Variants in EPN2 observed in about 807,000 individuals in gnomAD.
EPN2 encodes epsin 2.
A neutral mutation model predicts 61.7 loss-of-function variants in EPN2; 34 were observed. The observed-to-expected ratio is 0.55, with a 90% CI of 0.42 to 0.73. The LOEUF (loss-of-function observed/expected upper bound fraction) is 0.73. EPN2 is among the 30% of genes least tolerant of loss of function. The pLI, the probability that EPN2 is intolerant of heterozygous loss-of-function variation, is 0.00. For missense variants in EPN2, 714 were observed against 839.2 expected, an observed-to-expected ratio of 0.85 and a Z score of 1.84; for synonymous variants, 349 against 353.6, an observed-to-expected ratio of 0.99 and a Z score of 0.15.
rs2045380207 is a variant in EPN2, at chr17:19,283,775, G to A, written c.595+61G>A. ...GCAGCAGCAATGGGTGACAGGCAGG[G>A]TGGGTGTCTCTGGGCTTAGGGAGTG... On this transcript the variant is annotated intron_variant, in intron 3 of 10. Transcript: ENST00000314728. The surrounding 1 kb of genome is among the most constrained non-coding windows in gnomAD (Gnocchi z 7.0). The A allele has an allele frequency of 6.1e-6, 8 of 1,308,966 alleles. No homozygotes were observed. The South Asian group carries it at 7.4e-5, about 12-fold the overall frequency. The allele number at this position is 1,308,966 out of a possible 1,614,324, so 81.1% of individuals were successfully genotyped here. A position where few individuals can be genotyped will look rare whatever the true frequency, so the allele number is the denominator to read the frequency against.
intron 1 of EPN2, among the ~76,000 whole-genome samples, chr17:19,261,818 G>A (rs2045144599): frequency 1.3e-5 from 2 of 152,220 alleles, no homozygotes; most frequent in Non-Finnish European, 2.9e-5. Flanking sequence ...GTAGTCAGGA[G>A]ACTTCACTCA....
At chr17:19,274,259 T>C (rs1243912368) in intron 1 of EPN2, 1 of 152,344 alleles carries the variant, frequency 6.6e-6, no homozygotes, top group Non-Finnish European at 1.5e-5. Flanking sequence ...TTGAACAGAC[T>C]CCCAGGAAGT....
At chr17:19,270,862 G>T (rs1439635858) in intron 1 of EPN2, among the ~76,000 whole-genome samples, 1 of 152,178 alleles carries the variant, frequency 6.6e-6, no homozygotes, top group Non-Finnish European at 1.5e-5. Flanking sequence ...GCTGGTTCGT[G>T]TGGAGCATGT....
intron 1 of EPN2, among the ~76,000 whole-genome samples, chr17:19,245,550 C>T (rs927887944): frequency 2.6e-5 from 4 of 151,864 alleles, no homozygotes; most frequent in Admixed American, 6.6e-5. Context: ...AATCCTCCTG[C>T]CTCAGCCTCC....
chr17:19,306,446 G>A (rs143180476), intron 4 of EPN2, among the ~76,000 whole-genome samples: 2 of 152,340 alleles, frequency 1.3e-5, no homozygotes, highest in African/African-American at 4.8e-5. Context: ...CTGTACATCC[G>A]TTTATGAAAA....
chr17:19,320,281 T>C (rs1230198286), intron 7 of EPN2, among the ~76,000 whole-genome samples: 1 of 152,206 alleles, frequency 6.6e-6, no homozygotes, highest in East Asian at 1.9e-4. Context: ...AGTGGCTGTC[T>C]GTTTCTCTAT....
intron 1 of EPN2, among the ~76,000 whole-genome samples, chr17:19,246,811 C>T (rs553447256): frequency 6.9e-6 from 1 of 144,478 alleles, no homozygotes; most frequent in African/African-American, 2.6e-5. Flanking sequence ...CTCTGTCACC[C>T]AGGCTGGAGT....
chr17:19,317,751 G>A (rs1906455858), intron 7 of EPN2, among the ~76,000 whole-genome samples: 1 of 152,212 alleles, frequency 6.6e-6, no homozygotes, highest in Non-Finnish European at 1.5e-5. Flanking sequence ...ACCCTGCCGA[G>A]GACGTGGAGA....
chr17:19,332,029 GCCCCA>G lies in EPN2; in HGVS notation c.1591_1595del (p.Pro531SerfsTer20). 6.2e-7 allele frequency: 1 copy of G among 1,612,776 alleles called. No homozygotes were observed. Among genetic ancestry groups the G allele is most frequent in the Non-Finnish European group, 8.5e-7 (1 of 1,179,946 alleles). Reference sequence around the variant, plus strand: ...CCTGGACTCACTGGTGACCAGGCCTGCCCCACCAGCCCAGTCCCTCAACCCTTTCC... The same window carrying G: ...CCTGGACTCACTGGTGACCAGGCCTGCCAGCCCAGTCCCTCAACCCTTTCC... On this transcript the variant is annotated frameshift_variant, in exon 10 of 11. Coordinates refer to ENST00000314728, the MANE Select transcript of EPN2 (RefSeq NM_014964.5). LOFTEE classifies it high-confidence loss of function.
intron 5 of EPN2, among the ~76,000 whole-genome samples, chr17:19,310,473 G>A (rs761150868): frequency 1.1e-4 from 16 of 151,208 alleles, no homozygotes; most frequent in Non-Finnish European, 2.1e-4. Flanking sequence ...GAGAGTGCTT[G>A]TGTTTTGATG....
In EPN2 at chr17:19,334,930, T is replaced by G. The variant is rs1907331078; in HGVS notation, c.*676T>G. On this transcript the variant is annotated 3_prime_UTR_variant, in exon 11 of 11. Coordinates refer to ENST00000314728, the MANE Select transcript of EPN2 (RefSeq NM_014964.5). The surrounding 1 kb of genome is among the most constrained non-coding windows in gnomAD (Gnocchi z 4.9). ...AATAGTCTTTTTTTGGCTAATATTT[T>G]TATAACGTGGTTCTTATTTAACTGT... 6.5e-6 allele frequency: 1 copy of G among 154,054 alleles called. No homozygotes were observed. Among genetic ancestry groups the G allele is most frequent in the South Asian group, 2.0e-4 (1 of 4,946 alleles). The allele number at this position is 154,054 out of a possible 1,614,324, so 9.5% of individuals were successfully genotyped here.
intron 10 of EPN2, among the ~76,000 whole-genome samples, chr17:19,333,364 C>T (rs1203929668): frequency 1.3e-5 from 2 of 152,178 alleles, no homozygotes; most frequent in African/African-American, 2.4e-5. Context: ...GGGCCATTCT[C>T]CAGGCCACAC....
At chr17:19,254,177 AGAAG>A (rs2045048026) in intron 1 of EPN2, among the ~76,000 whole-genome samples, 3 of 142,142 alleles carry the variant, frequency 2.1e-5, no homozygotes, top group South Asian at 2.6e-4. Context: ...AAAAAAAGAA[AGAAG>A]GGAGGGAGGG....
intron 1 of EPN2, among the ~76,000 whole-genome samples, chr17:19,278,308 C>T (rs990352587): frequency 1.3e-5 from 2 of 152,036 alleles, no homozygotes; most frequent in Non-Finnish European, 2.9e-5. Flanking sequence ...TTTCACACTA[C>T]TGATAAAGAC....
chr17:19,322,037 A>G (rs1906660468), intron 7 of EPN2, among the ~76,000 whole-genome samples: 2 of 152,116 alleles, frequency 1.3e-5, no homozygotes, highest in South Asian at 4.1e-4. Flanking sequence ...TTGTTTACTG[A>G]TAGCCCCTTC....
chr17:19,280,210 C>T (rs1393204238), intron 1 of EPN2, among the ~76,000 whole-genome samples: 1 of 152,210 alleles, frequency 6.6e-6, no homozygotes, highest in Non-Finnish European at 1.5e-5. Flanking sequence ...ACCTGCTCTA[C>T]ATCAAATGGA....
rs1907297662 is a variant in EPN2, at chr17:19,334,240, C to T, written c.1912C>T (p.Pro638Ser). The change falls in exon 11 of 11, where the codon CCT becomes TCT. Residue 638 changes from proline (P) to serine (S), a missense_variant. Transcript: ENST00000314728. The surrounding 1 kb of genome is among the most constrained non-coding windows in gnomAD (Gnocchi z 4.9). ...SAAQATGTTNPFLL is the reference protein window; with the variant it reads ...SAAQATGTTNSFLL ...AGCCCAGGCCACTGGCACAACCAAC[C>T]CTTTCCTTCTCTAGTGCCTGGGCCT... 1 of 1,467,050 alleles carries T rather than the reference C, an allele frequency of 6.8e-7. No individual in the cohort carries two copies. Among genetic ancestry groups the T allele is most frequent in the Non-Finnish European group, 9.1e-7 (1 of 1,098,158 alleles). 90.9% of individuals were successfully genotyped at this position (1,467,050 alleles called of 1,614,324 possible).
chr17:19,283,001 T>G lies in EPN2; in HGVS notation c.-119T>G. The G allele has an allele frequency of 1.4e-6, 1 of 700,708 alleles. No homozygotes were observed. Among genetic ancestry groups the G allele is most frequent in the Non-Finnish European group, 2.4e-6 (1 of 424,328 alleles). The allele number at this position is 700,708 out of a possible 1,614,324, so 43.4% of individuals were successfully genotyped here. Reference sequence around the variant, plus strand: ...GAGGCTCCAAAGGAGGAAATGACCATTCAGGGATCTTACTCCAGCTTGATT... The same window carrying G: ...GAGGCTCCAAAGGAGGAAATGACCAGTCAGGGATCTTACTCCAGCTTGATT... On this transcript the variant is annotated 5_prime_UTR_variant, in exon 3 of 11. Transcript: ENST00000314728. The surrounding 1 kb of genome is among the most constrained non-coding windows in gnomAD (Gnocchi z 7.0).
chr17:19,274,435 A>C (rs1409792555), intron 1 of EPN2: 2 of 152,204 alleles, frequency 1.3e-5, no homozygotes, highest in African/African-American at 4.8e-5. Context: ...TCTGAGGTGA[A>C]GATGTTCAGG....
Sources: gnomAD v4.1 joint callset for allele counts (sites outside exome capture counted in the v4.1 genomes callset) on GRCh38, gnomAD v4.1.1 for gene constraint, Gnocchi (gnomAD v3.1) non-coding constraint, MANE v1.5 for transcripts, NCBI Gene and HGNC (gene_info 2026-07-23, HGNC 2026-07-21) for gene names.